Variants in SCAI observed in about 807,000 individuals in gnomAD.
SCAI encodes suppressor of cancer cell invasion, also known as protein SCAI.
Under a neutral mutation model 92.2 loss-of-function variants are expected in SCAI, and 24 were observed. That is an observed-to-expected ratio of 0.26 (90% CI 0.19 to 0.37). The LOEUF is 0.37. Among genes scored for constraint, SCAI ranks in the 10% least tolerant of loss-of-function variants. The pLI, the probability that SCAI is intolerant of heterozygous loss-of-function variation, is 1.00. For missense variants in SCAI, 450 were observed against 736.2 expected, an observed-to-expected ratio of 0.61 and a Z score of 4.50; for synonymous variants, 261 against 258.6, an observed-to-expected ratio of 1.01 and a Z score of -0.09.
chr9:125,129,355 C>T (rs948149669), intron 2 of SCAI, among the ~76,000 whole-genome samples: 10 of 150,322 alleles, frequency 6.7e-5, no homozygotes, highest in Admixed American at 2.0e-4. Context: ...GCAGGAGAAT[C>T]GCTTGAACCC....
chr9:125,120,503 G>A (rs1464988036), intron 2 of SCAI, among the ~76,000 whole-genome samples: 1 of 152,124 alleles, frequency 6.6e-6, no homozygotes, highest in Non-Finnish European at 1.5e-5. Flanking sequence ...GACCAGCCTG[G>A]CCAACATGGA....
rs751825403 is a variant in SCAI at position 125,026,929 on chromosome 9, T to C, written c.414-19A>G. The C allele has an allele frequency of 2.8e-6, 4 of 1,427,084 alleles. No homozygotes were observed. The highest frequency in any genetic ancestry group is 2.8e-5 in the African/African-American group (2 of 70,644). 88.4% of individuals were successfully genotyped at this position (1,427,084 alleles called of 1,614,324 possible). On this transcript the variant is annotated intron_variant, in intron 5 of 17. Transcript: ENST00000336505. ...GCGTAAGCTATGAGAAAAAATATAT[T>C]TTTAAATATGACAGTGTCAGAGACT... is the stretch of plus-strand genomic sequence containing the variant.
At chr9:124,959,287 C>A (rs1270122131) in intron 17 of SCAI, among the ~76,000 whole-genome samples, 2 of 132,988 alleles carry the variant, frequency 1.5e-5, no homozygotes, top group African/African-American at 2.8e-5. Flanking sequence ...AAAAGCATTT[C>A]AAATGAAAAA....
chr9:125,111,478 C>T (rs560680536), intron 2 of SCAI, among the ~76,000 whole-genome samples: 58 of 152,164 alleles, frequency 3.8e-4, no homozygotes, highest in African/African-American at 1.3e-3. Flanking sequence ...ATGAACCACA[C>T]GCAACCCAGG....
chr9:124,984,740 T>G (rs1282882061), intron 14 of SCAI, among the ~76,000 whole-genome samples: 1 of 152,082 alleles, frequency 6.6e-6, no homozygotes, highest in Non-Finnish European at 1.5e-5. Flanking sequence ...ACTAAAGATA[T>G]GGAGTAGGTA....
intron 13 of SCAI, among the ~76,000 whole-genome samples, chr9:124,997,366 C>T (rs1564371442): frequency 6.6e-6 from 1 of 152,168 alleles, no homozygotes; most frequent in Non-Finnish European, 1.5e-5. Context: ...CCCTAAGGTA[C>T]CTTACTATCT....
intron 2 of SCAI, among the ~76,000 whole-genome samples, chr9:125,111,756 A>G (rs1834933438): frequency 6.6e-6 from 1 of 152,152 alleles, no homozygotes; most frequent in Non-Finnish European, 1.5e-5. Flanking sequence ...GGGAGGGCCT[A>G]CAACTACCCC....
intron 8 of SCAI, 51 bp downstream of exon 8, chr9:125,019,056 A>G (rs1457977770): frequency 6.6e-7 from 1 of 1,520,288 alleles, no homozygotes; most frequent in Non-Finnish European, 9.0e-7. Flanking sequence ...AACATAAACT[A>G]CACGGTCATT....
Position 125,058,648 on chromosome 9 carries a change from G to A in SCAI, c.99-2641C>T, listed in dbSNP as rs932221407. Among the ~76,000 whole-genome samples the A allele has an allele frequency of 8.5e-5, 13 of 152,278 alleles. 1 individual carries two copies. Among genetic ancestry groups the A allele is most frequent in the South Asian group, 6.2e-4 (3 of 4,822 alleles). ...CTCTGTAATTCTATCTACTGAGAGC[G>A]CCTTGGAGCAGTGATCATCTTCCCT... On this transcript the variant is annotated intron_variant, in intron 2 of 17. Transcript: ENST00000336505.
intron 9 of SCAI, among the ~76,000 whole-genome samples, chr9:125,012,667 C>T (rs1832664329): frequency 6.6e-6 from 1 of 152,064 alleles, no homozygotes; most frequent in Admixed American, 6.6e-5. Flanking sequence ...CTCAGCTCTG[C>T]ACCAAGCAGA....
chr9:125,003,300 A>T (rs1412769841), intron 10 of SCAI, 85 bp from the exon 11 acceptor site: 1 of 1,146,780 alleles, frequency 8.7e-7, no homozygotes, highest in Non-Finnish European at 1.3e-6. Flanking sequence ...AGCCCTTATC[A>T]AGGAAGTCTT....
Position 125,143,394 on chromosome 9 carries a change from AG to A in SCAI, c.43del (p.Leu15TrpfsTer5). On this transcript the variant is annotated frameshift_variant, in exon 1 of 18. Transcript: ENST00000336505. LOFTEE classifies it high-confidence loss of function. ...ARQPQQPRSR[L>X]APRLTGTVEK... ...CACCCAGCCCCCGCACCTGGGGGCC[AG>A]GCGACTCCGCGGCTGCTGGGGCTGC... 7.5e-7 allele frequency: 1 copy of A among 1,332,066 alleles called. No individual in the cohort carries two copies. Among genetic ancestry groups the A allele is most frequent in the Non-Finnish European group, 9.7e-7 (1 of 1,036,164 alleles). 82.5% of individuals were successfully genotyped at this position (1,332,066 alleles called of 1,614,324 possible).
chr9:124,992,751 C>T (rs991187042), intron 14 of SCAI, among the ~76,000 whole-genome samples: 1 of 152,078 alleles, frequency 6.6e-6, no homozygotes, highest in African/African-American at 2.4e-5. Context: ...GTGACAGTGC[C>T]TGTGCCATCA....
In SCAI at chr9:125,026,925, ATATT is replaced by A. The variant is rs1564384075; in HGVS notation, c.414-19_414-16del. 1 of 1,415,176 alleles carries A rather than the reference ATATT, an allele frequency of 7.1e-7. No homozygotes were observed. Among genetic ancestry groups the A allele is most frequent in the South Asian group, 1.2e-5 (1 of 84,902 alleles). The allele number at this position is 1,415,176 out of a possible 1,614,324, so 87.7% of individuals were successfully genotyped here. On this transcript the variant is annotated splice_polypyrimidine_tract_variant and intron_variant, in intron 5 of 17. Transcript: ENST00000336505. The stretch of plus-strand genomic sequence containing the variant: ...ATGTGCGTAAGCTATGAGAAAAAAT[ATATT>A]TTTAAATATGACAGTGTCAGAGACT...
At chr9:125,027,310 G>A (rs989644623) in intron 5 of SCAI, among the ~76,000 whole-genome samples, 1 of 151,990 alleles carries the variant, frequency 6.6e-6, no homozygotes, top group Non-Finnish European at 1.5e-5. Flanking sequence ...TAATCCATAC[G>A]AATCTTCAGG....
Position 125,062,637 on chromosome 9 carries a change from C to G in SCAI, c.99-6630G>C, listed in dbSNP as rs549296082. ...GGGTGTGGTGGCACACGCCTGTAAT[C>G]CCAGCTACTCAGGAGGCTGAGGCAG... On this transcript the variant is annotated intron_variant, in intron 2 of 17. Coordinates refer to ENST00000336505, the MANE Select transcript of SCAI (RefSeq NM_001144877.3). Among the ~76,000 whole-genome samples, 7 of 151,968 alleles carry G rather than the reference C, an allele frequency of 4.6e-5. No individual in the cohort carries two copies. The South Asian group carries it at 1.5e-3, about 32-fold the overall frequency.
intron 17 of SCAI, among the ~76,000 whole-genome samples, chr9:124,959,721 T>G (rs1481738923): frequency 7.7e-6 from 1 of 130,482 alleles, no homozygotes; most frequent in Non-Finnish European, 1.6e-5. Context: ...ATGTGTGATG[T>G]TCCCCTTCCT....
chr9:125,012,995 C>T (rs1323630714), intron 9 of SCAI, among the ~76,000 whole-genome samples: 1 of 151,964 alleles, frequency 6.6e-6, no homozygotes, highest in Non-Finnish European at 1.5e-5. Flanking sequence ...AACAAAGACA[C>T]AACATACCAG....
intron 13 of SCAI, among the ~76,000 whole-genome samples, chr9:124,997,875 CAAAAAAAA>C (rs35502581): frequency 9.0e-6 from 1 of 111,148 alleles, no homozygotes; most frequent in Non-Finnish European, 1.9e-5. Flanking sequence ...AACTCTGTCT[CAAAAAAAA>C]AAAAAAAAGA....
Sources: gnomAD v4.1 joint callset for allele counts (sites outside exome capture counted in the v4.1 genomes callset) on GRCh38, gnomAD v4.1.1 for gene constraint, MANE v1.5 for transcripts, NCBI Gene and HGNC (gene_info 2026-07-23, HGNC 2026-07-21) for gene names.